The following TRMT61B variants were observed in gnomAD, a reference collection of about 807,000 sequenced individuals.
TRMT61B encodes the protein tRNA methyltransferase 61B.
Under a neutral mutation model 52.0 loss-of-function variants are expected in TRMT61B, and 56 were observed. That is an observed-to-expected ratio of 1.08 (90% confidence interval 0.87 to 1.35). TRMT61B has a LOEUF of 1.35. Among genes scored for constraint, TRMT61B ranks in the 40% most tolerant of loss-of-function variants. TRMT61B has a pLI of 0.00. For synonymous variants in TRMT61B, 206 were observed against 220.0 expected (o/e 0.94, Z 0.56); for missense variants, 650 against 577.9 (o/e 1.12, Z -1.28).
Position 28,850,252 on chromosome 2 carries a change from G to C in TRMT61B, c.1391-10C>G. ...AACTTGACAAGAAAAGCTAATTTAA[G>C]AGAAGAAAAACATAAAGTCATTATA... is the stretch of plus-strand genomic sequence containing the variant. On this transcript the variant is annotated splice_polypyrimidine_tract_variant and intron_variant, in intron 6 of 6. Transcript: ENST00000306108. 1.9e-6 allele frequency: 3 copies of C among 1,610,476 alleles called. No individual in the cohort carries two copies. The highest frequency in any genetic ancestry group is 2.5e-6 in the Non-Finnish European group (3 of 1,178,118).
chr2:28,866,007 G>A (rs1421139285), intron 1 of TRMT61B, among the ~76,000 whole-genome samples: 3 of 146,864 alleles, frequency 2.0e-5, no homozygotes, highest in Non-Finnish European at 4.5e-5. Context: ...TTATTTTTGG[G>A]GGGACAGAGT....
intron 3 of TRMT61B, among the ~76,000 whole-genome samples, chr2:28,856,757 C>A (rs1227985293): frequency 6.6e-6 from 1 of 152,080 alleles, no homozygotes; most frequent in Non-Finnish European, 1.5e-5. Flanking sequence ...GCCTCAGCCT[C>A]CCGAGTAGCT....
chr2:28,850,996 A>G (rs1414668474), intron 5 of TRMT61B, 76 bp downstream of exon 5: 6 of 900,410 alleles, frequency 6.7e-6, no homozygotes, highest in Non-Finnish European at 9.7e-6. Context: ...GAATATTTTT[A>G]TAATCTATTG....
intron 3 of TRMT61B, among the ~76,000 whole-genome samples, chr2:28,853,372 T>A (rs567689136): frequency 1.3e-5 from 2 of 152,238 alleles, no homozygotes; most frequent in African/African-American, 4.8e-5. Context: ...ATACAGGTTT[T>A]GCCATGTTGC....
rs1669010965 is a variant in TRMT61B, at chr2:28,850,200, C to G, written c.1433G>C (p.Ter478SerextTer21). The G allele has an allele frequency of 6.2e-7, 1 of 1,610,992 alleles. No homozygotes were observed. The highest frequency in any genetic ancestry group is 8.5e-7 in the Non-Finnish European group (1 of 1,178,490). Reference protein sequence around the residue: ...KLRKVKPQLN* With the variant: ...KLRKVKPQLNS ...GTCAGTTACTGTCATCTGGAGTACT[C>G]AGTTAAGTTGTGGTTTGACCTTCCT... Residue 478 changes from the stop codon to serine, a stop_lost, in exon 7 of 7, where the codon TGA becomes TCA. Transcript: ENST00000306108.
At chr2:28,853,026 T>C (rs756079596) in intron 3 of TRMT61B, among the ~76,000 whole-genome samples, 4 of 152,218 alleles carry the variant, frequency 2.6e-5, no homozygotes, top group Non-Finnish European at 4.4e-5. Context: ...TCTTGTACTT[T>C]GCATATTAAT....
In TRMT61B at chr2:28,870,222, C is replaced by G; in HGVS notation, c.56G>C (p.Gly19Ala). Residue 19 changes from glycine to alanine, a missense_variant, in exon 1 of 7, where the codon GGA (glycine) becomes GCA (alanine). Gly to Ala is a moderately conservative substitution (Grantham distance 60, BLOSUM62 0). Coordinates refer to ENST00000306108, the MANE Select transcript of TRMT61B (RefSeq NM_017910.4). Reference sequence around the variant, plus strand: ...CAGGCCGTGCAGGAATGAATTGGTTCCGAGCCCCTGCCGCAGGCACAGCAA... The same window carrying G: ...CAGGCCGTGCAGGAATGAATTGGTTGCGAGCCCCTGCCGCAGGCACAGCAA... ...PVLLCLRQGL[G>A]TNSFLHGLGQ... The G allele has an allele frequency of 6.2e-7, 1 of 1,609,224 alleles. No homozygotes were observed. The highest frequency in any genetic ancestry group is 8.5e-7 in the Non-Finnish European group (1 of 1,179,114).
In TRMT61B at chr2:28,870,172, G is replaced by A. The variant is rs754209631; in HGVS notation, c.106C>T (p.Arg36Trp). ...GLGQEPFEGA[R>W]SLCCRSSPRD... is the part of the protein sequence containing the mutation. ...GGCGAGGACCTGCAACACAGTGACC[G>A]AGCTCCCTCGAAGGGCTCCTGCCCC... The change falls in exon 1 of 7, where the codon CGG becomes TGG. Residue 36 changes from arginine (R) to tryptophan (W), a missense_variant. Coordinates refer to ENST00000306108, the MANE Select transcript of TRMT61B (RefSeq NM_017910.4). The A allele has an allele frequency of 1.2e-6, 2 of 1,613,518 alleles. No homozygotes were observed. Among genetic ancestry groups the A allele is most frequent in the East Asian group, 4.5e-5 (2 of 44,888 alleles).
At chr2:28,852,926 T>C (rs2148121847) in intron 3 of TRMT61B, among the ~76,000 whole-genome samples, 1 of 152,234 alleles carries the variant, frequency 6.6e-6, no homozygotes, top group Admixed American at 6.5e-5. Flanking sequence ...GCCATCATAC[T>C]CCACCCTGGG....
At chr2:28,850,555 T>C (rs2148115608) in intron 5 of TRMT61B, 150 bp from the exon 6 acceptor site, 1 of 585,968 alleles carries the variant, frequency 1.7e-6, no homozygotes, top group East Asian at 2.9e-5. Flanking sequence ...TGCCAGTTAT[T>C]ATACAGAAAC....
At chr2:28,858,477 A>T (rs1456123213) in intron 3 of TRMT61B, among the ~76,000 whole-genome samples, 1 of 151,932 alleles carries the variant, frequency 6.6e-6, no homozygotes, top group Non-Finnish European at 1.5e-5. Context: ...TTCAGATCAG[A>T]TCTGGCCACC....
At chr2:28,869,465 CA>C in intron 1 of TRMT61B, 113 bp downstream of exon 1, 1 of 706,706 alleles carries the variant, frequency 1.4e-6, no homozygotes, top group Non-Finnish European at 2.4e-6. Flanking sequence ...AGCCTGAGTA[CA>C]ATAAAAAATC....
At chr2:28,860,928 G>A (rs1280255306) in intron 3 of TRMT61B, among the ~76,000 whole-genome samples, 190 bp downstream of exon 3, 3 of 152,064 alleles carry the variant, frequency 2.0e-5, no homozygotes, top group Non-Finnish European at 4.4e-5. Flanking sequence ...ACCCAACTCG[G>A]TAACTCAGTA....
chr2:28,869,557 C>T, intron 1 of TRMT61B, 22 bp downstream of exon 1: 1 of 1,558,530 alleles, frequency 6.4e-7, no homozygotes, highest in Non-Finnish European at 8.8e-7. Context: ...AACCAATACA[C>T]ACCTTATCTC....
In TRMT61B at chr2:28,850,070, T is replaced by G. The variant is rs1669006268; in HGVS notation, c.*129A>C. ...CATCTTTTAGTTGTTATTTTCAAAA[T>G]TATATGTATAAGTTATATAAGTCAT... On this transcript the variant is annotated 3_prime_UTR_variant, in exon 7 of 7. Coordinates refer to ENST00000306108, the MANE Select transcript of TRMT61B (RefSeq NM_017910.4). 1.7e-6 allele frequency: 2 copies of G among 1,165,028 alleles called. No individual in the cohort carries two copies. The highest frequency in any genetic ancestry group is 2.5e-6 in the Non-Finnish European group (2 of 809,512). The allele number at this position is 1,165,028 out of a possible 1,614,324, so 72.2% of individuals were successfully genotyped here.
chr2:28,852,628 T>A, intron 3 of TRMT61B, 129 bp from the exon 4 acceptor site: 1 of 635,260 alleles, frequency 1.6e-6, no homozygotes, highest in Non-Finnish European at 2.8e-6. Context: ...AAGGTAGTAT[T>A]ATTAACTATC....
At position 28,870,257 on chromosome 2, in the gene TRMT61B, G is replaced by C. The variant is rs759046759; in HGVS notation, c.21C>G (p.Arg7=). The C allele has an allele frequency of 1.3e-6, 2 of 1,595,088 alleles. No individual in the cohort carries two copies. The highest frequency in any genetic ancestry group is 1.1e-5 in the South Asian group (1 of 89,850). The stretch of plus-strand genomic sequence containing the variant: ...GCCGCAGGCACAGCAAGACAGGACC[G>C]CGGCACCATGCCATTAGCATAGTGT... The part of the protein sequence containing the change: MLMAWC[R]GPVLLCLRQG... Residue 7 remains arginine, a synonymous_variant, in exon 1 of 7, where the codon CGC becomes CGG. Coordinates refer to ENST00000306108, the MANE Select transcript of TRMT61B (RefSeq NM_017910.4).
Position 28,865,116 on chromosome 2 carries a change from T to C in TRMT61B, c.703A>G (p.Ile235Val), listed in dbSNP as rs772188257. ...RGTAITFPKD[I>V]NMILSMMDIN... is the part of the protein sequence containing the mutation. Reference sequence around the variant, plus strand: ...TCCATCATTGAGAGAATCATATTAATATCCTATGATTGAAAACAGTATGGG... The same window carrying C: ...TCCATCATTGAGAGAATCATATTAACATCCTATGATTGAAAACAGTATGGG... Residue 235 changes from isoleucine to valine, a missense_variant, in exon 2 of 7, where the codon ATT becomes GTT. By Grantham distance (29) the Ile-to-Val change is conservative. Transcript: ENST00000306108. 4.7e-5 allele frequency: 74 copies of C among 1,574,700 alleles called. No homozygotes were observed. In the Admixed American group the frequency reaches 5.2e-4, roughly 11 times the overall value.
Position 28,870,142 on chromosome 2 carries a change from C to G in TRMT61B, c.136G>C (p.Asp46His). 1 of 1,614,050 alleles carries G rather than the reference C, an allele frequency of 6.2e-7. No individual in the cohort carries two copies. Among genetic ancestry groups the G allele is most frequent in the Non-Finnish European group, 8.5e-7 (1 of 1,180,048 alleles). ...RSLCCRSSPR[D>H]LRDGEREHEA... ...TGCTCTCTTTCTCCATCTCGCAGGT[C>G]TCTAGGCGAGGACCTGCAACACAGT... Residue 46 changes from aspartate (D) to histidine (H), a missense_variant, in exon 1 of 7, where the codon GAC (aspartate) becomes CAC (histidine). Transcript: ENST00000306108.
Sources: allele counts gnomAD v4.1 joint callset (sites outside exome capture counted in the v4.1 genomes callset), GRCh38; gene constraint gnomAD v4.1.1; transcripts MANE v1.5; gene names NCBI Gene and HGNC (gene_info 2026-07-23, HGNC 2026-07-21).